The following PATL2 variants were observed in gnomAD, a reference collection of about 807,000 sequenced individuals.
The protein encoded by PATL2 is PAT1 homolog 2, also known as protein PAT1 homolog 2.
In PATL2, 73 loss-of-function variants were observed where a neutral mutation model predicts 77.0. That is an observed-to-expected ratio of 0.95 (90% CI 0.78 to 1.15). PATL2 has a LOEUF of 1.15. Ranked by LOEUF, PATL2 falls within the 50% of genes most tolerant of loss-of-function variation. PATL2 has a pLI of 0.00. For missense variants in PATL2, 618 were observed against 655.4 expected (o/e 0.94, Z 0.62); for synonymous variants, 265 against 257.1 (o/e 1.03, Z -0.29).
intron 5 of PATL2, chr15:44,674,928 C>T (rs2085879850): frequency 6.6e-6 from 1 of 152,498 alleles, no homozygotes. Context: ...ACAGTTATAA[C>T]AATATACTGT....
chr15:44,706,473 T>C (rs969532295), intron 3 of PATL2, among the ~76,000 whole-genome samples: 9 of 152,376 alleles, frequency 5.9e-5, no homozygotes, highest in East Asian at 3.9e-4. Context: ...TTATCACTCA[T>C]TATTTTAAAC....
intron 3 of PATL2, among the ~76,000 whole-genome samples, chr15:44,681,679 G>A (rs2086136983): frequency 6.6e-6 from 1 of 152,148 alleles, no homozygotes; most frequent in Non-Finnish European, 1.5e-5. Flanking sequence ...TCCTCAAAGG[G>A]ATCAAGGATC....
chr15:44,701,827 G>A (rs2141265000), intron 3 of PATL2, among the ~76,000 whole-genome samples: 1 of 152,076 alleles, frequency 6.6e-6, no homozygotes, highest in South Asian at 2.1e-4. Context: ...CTACTGGGGA[G>A]ACCTCAGGGA....
chr15:44,670,392 C>T (rs1257682009), intron 9 of PATL2, among the ~76,000 whole-genome samples: 1 of 152,114 alleles, frequency 6.6e-6, no homozygotes, highest in Non-Finnish European at 1.5e-5. Context: ...TGGGATTTCA[C>T]CATGTTGCTC....
chr15:44,706,262 C>A (rs1325949413), intron 3 of PATL2, among the ~76,000 whole-genome samples: 1 of 152,144 alleles, frequency 6.6e-6, no homozygotes, highest in Non-Finnish European at 1.5e-5. Context: ...ATAGTCTTTG[C>A]AGTCTGGGCT....
intron 9 of PATL2, among the ~76,000 whole-genome samples, chr15:44,670,658 A>G (rs1365001208): frequency 6.6e-6 from 1 of 152,186 alleles, no homozygotes; most frequent in Non-Finnish European, 1.5e-5. Context: ...ACCACCACCA[A>G]GTCTGATGAA....
At chr15:44,704,856 TTTTCAAGGATATTTATTTCTCCTTCATA>T (rs2086700167) in intron 3 of PATL2, among the ~76,000 whole-genome samples, 1 of 152,244 alleles carries the variant, frequency 6.6e-6, no homozygotes, top group South Asian at 2.1e-4. Flanking sequence ...CTCCTTCATA[TTTTCAAGGATATTTATTTCTCCTTCATA>T]TTTCAAGGAT....
chr15:44,709,545 G>C (rs1310075010), intron 3 of PATL2, among the ~76,000 whole-genome samples: 1 of 151,694 alleles, frequency 6.6e-6, no homozygotes, highest in East Asian at 1.9e-4. Context: ...AAAAAAAAAA[G>C]AAATTGTCAT....
chr15:44,669,735 C>T, intron 11 of PATL2, 42 bp downstream of exon 11: 1 of 1,544,624 alleles, frequency 6.5e-7, no homozygotes, highest in Non-Finnish European at 8.8e-7. Flanking sequence ...GACCCTTCTT[C>T]CAAAGGGGAG....
chr15:44,681,115 T>A lies in PATL2; in HGVS notation c.-75-4550A>T, dbSNP rs574726203. Among the ~76,000 whole-genome samples, 84 of 152,220 alleles carry A rather than the reference T, an allele frequency of 5.5e-4. 1 individual carries two copies. In the South Asian group the frequency reaches 0.017, roughly 30 times the overall value. ...GCACGATTATAGCTCACTGCAAACT[T>A]GAACTTCTGGACTCCTGCCTCAACC... On this transcript the variant is annotated intron_variant, in intron 3 of 17. Transcript: ENST00000682850.
At chr15:44,688,112 G>T (rs971745736) in intron 3 of PATL2, among the ~76,000 whole-genome samples, 1 of 151,800 alleles carries the variant, frequency 6.6e-6, no homozygotes, top group Admixed American at 6.6e-5. Context: ...CAGGTGTGGT[G>T]GCGGGTGCCT....
chr15:44,666,449 G>A lies in PATL2; in HGVS notation c.1556C>T (p.Pro519Leu), dbSNP rs946226406. The A allele has an allele frequency of 9.0e-6, 14 of 1,551,594 alleles. No homozygotes were observed. The highest frequency in any genetic ancestry group is 1.2e-5 in the Non-Finnish European group (14 of 1,147,002). ...TTTGTCCACGTGGTGACAGAACAGG[G>A]GAAGTAGGTTGCTGGGGAAAGCTAG... Reference protein sequence around the residue: ...EPLAFPSNLLPLFCHHVDKQL... With the variant: ...EPLAFPSNLLLLFCHHVDKQL... Residue 519 changes from proline (P) to leucine (L), a missense_variant, in exon 17 of 18, where the codon CCC becomes CTC. By Grantham distance (98) the Pro-to-Leu change is moderately conservative. Coordinates refer to ENST00000682850, the MANE Select transcript of PATL2 (RefSeq NM_001387263.1).
At chr15:44,686,482 C>T (rs1242022691) in intron 3 of PATL2, among the ~76,000 whole-genome samples, 4 of 152,140 alleles carry the variant, frequency 2.6e-5, no homozygotes, top group Non-Finnish European at 5.9e-5. Flanking sequence ...GACACCTTAA[C>T]ATCACAATTA....
At chr15:44,703,975 T>A (rs529599167) in intron 3 of PATL2, among the ~76,000 whole-genome samples, 1 of 151,850 alleles carries the variant, frequency 6.6e-6, no homozygotes, top group South Asian at 2.1e-4. Flanking sequence ...TTTTTGTGTA[T>A]CTGTTGTATG....
intron 9 of PATL2, among the ~76,000 whole-genome samples, chr15:44,670,656 C>G (rs1411992433): frequency 2.9e-4 from 44 of 152,188 alleles, no homozygotes. Context: ...ATACCACCAC[C>G]AAGTCTGATG....
chr15:44,676,657 G>A (rs2085971527), intron 3 of PATL2, 92 bp from the exon 4 acceptor site: 3 of 1,305,644 alleles, frequency 2.3e-6, no homozygotes, highest in Admixed American at 2.2e-5. Context: ...CCAGCAAGAT[G>A]GTTAGAGAAT....
chr15:44,675,151 A>C (rs1399398148), intron 5 of PATL2: 1 of 254,738 alleles, frequency 3.9e-6, no homozygotes, highest in East Asian at 8.8e-5. Context: ...GATCCAGGGG[A>C]ATAAATACCA....
chr15:44,672,425 G>T lies in PATL2; in HGVS notation c.478C>A (p.Arg160=). 1 of 1,551,688 alleles carries T rather than the reference G, an allele frequency of 6.4e-7. No homozygotes were observed. ...HLTQLHPRHQ[R]ILQQQQHSQT... ...CTATGCTGCTGCTGCTGCAAGATTC[G>T]TTGGTGCCGAGGGTGGAGCTGGGTC... is the stretch of plus-strand genomic sequence containing the variant. Residue 160 remains arginine, a synonymous_variant, in exon 8 of 18, where the codon CGA becomes AGA. Transcript: ENST00000682850.
chr15:44,676,868 C>CCTGA, intron 3 of PATL2: 2 of 1,099,332 alleles, frequency 1.8e-6, no homozygotes, highest in Non-Finnish European at 2.2e-6. Context: ...ACACCCACCA[C>CCTGA]CTGACTGTTG....
Sources: gnomAD v4.1 joint callset for allele counts (sites outside exome capture counted in the v4.1 genomes callset) on GRCh38, gnomAD v4.1.1 for gene constraint, MANE v1.5 for transcripts, NCBI Gene and HGNC (gene_info 2026-07-23, HGNC 2026-07-21) for gene names.